Variants in PITPNM3 observed in about 807,000 individuals in gnomAD.
The protein encoded by PITPNM3 is membrane-associated phosphatidylinositol transfer protein 3.
A neutral mutation model predicts 102.0 loss-of-function variants in PITPNM3; 26 were observed. The observed-to-expected ratio is 0.25, with a 90% CI of 0.19 to 0.35. PITPNM3 has a LOEUF of 0.35. PITPNM3 is among the 10% of genes least tolerant of loss of function. The pLI is 1.00. For missense variants in PITPNM3, 1,083 were observed against 1,346.1 expected, an observed-to-expected ratio of 0.80 and a Z score of 3.06; for synonymous variants, 578 against 558.6, an observed-to-expected ratio of 1.03 and a Z score of -0.49.
chr17:6,460,749 C>T (rs565467626), intron 18 of PITPNM3: 3 of 156,258 alleles, frequency 1.9e-5, no homozygotes, highest in Admixed American at 1.9e-4. Context: ...GTCAACGCCT[C>T]TTCTGCTCTA....
At chr17:6,471,075 G>A in intron 12 of PITPNM3, 86 bp downstream of exon 12, 2 of 1,493,876 alleles carry the variant, frequency 1.3e-6, no homozygotes, top group Admixed American at 3.7e-5. Context: ...CCTGCCCTCA[G>A]CAGCTCTAGC....
At chr17:6,539,142 G>A (rs895624879) in intron 1 of PITPNM3, among the ~76,000 whole-genome samples, 4 of 152,190 alleles carry the variant, frequency 2.6e-5, no homozygotes, top group East Asian at 1.9e-4. Context: ...AAAGGACAGA[G>A]GGTACAGTGA....
In PITPNM3 at chr17:6,542,457, C is replaced by T. The variant is rs973655146; in HGVS notation, c.23-4375G>A. Among the ~76,000 whole-genome samples, 5 of 152,282 alleles carry T rather than the reference C, an allele frequency of 3.3e-5. No homozygotes were observed. The South Asian group carries it at 8.3e-4, about 25-fold the overall frequency. ...ACTCCCATAATTCTCTCCCTCTCTC[C>T]CTCACACACAAAGTAAATCAGCTCC... On this transcript the variant is annotated intron_variant, in intron 1 of 19. Coordinates refer to ENST00000262483, the MANE Select transcript of PITPNM3 (RefSeq NM_031220.4).
chr17:6,490,876 C>T (rs1436252368), intron 4 of PITPNM3, among the ~76,000 whole-genome samples: 1 of 147,528 alleles, frequency 6.8e-6, no homozygotes, highest in East Asian at 2.0e-4. Flanking sequence ...GCAGGAGAAT[C>T]ACTTAAACCT....
Position 6,521,504 on chromosome 17 carries a change from T to C in PITPNM3, c.226+3852A>G, listed in dbSNP as rs1488565992. The C allele has an allele frequency of 2.0e-5, 3 of 151,880 alleles. No homozygotes were observed. The East Asian group carries it at 5.8e-4, about 29-fold the overall frequency. 9.4% of individuals were successfully genotyped at this position (151,880 alleles called of 1,614,324 possible). A position where few individuals can be genotyped will look rare whatever the true frequency, so the allele number is the denominator to read the frequency against. ...TACACAAAAATAACAAGACAAACAATTGCAAAAATAATAATAGTATAATAA... is the reference window on the plus strand; with the variant it reads ...TACACAAAAATAACAAGACAAACAACTGCAAAAATAATAATAGTATAATAA... On this transcript the variant is annotated intron_variant, in intron 3 of 19. Coordinates refer to ENST00000262483, the MANE Select transcript of PITPNM3 (RefSeq NM_031220.4).
Position 6,463,839 on chromosome 17 carries a change from G to A in PITPNM3, c.2199C>T (p.Pro733=). 1 of 1,614,022 alleles carries A rather than the reference G, an allele frequency of 6.2e-7. No individual in the cohort carries two copies. Among genetic ancestry groups the A allele is most frequent in the Non-Finnish European group, 8.5e-7 (1 of 1,179,984 alleles). Reference sequence around the variant, plus strand: ...TGAACACTACACACTCCATGCCCCTGGGCAACACCGTGAGGTAGCTCATGG... The same window carrying A: ...TGAACACTACACACTCCATGCCCCTAGGCAACACCGTGAGGTAGCTCATGG... ...TCAMSYLTVL[P]RGMECVVFSI... Residue 733 remains proline (P), a synonymous_variant, in exon 17 of 20, where the codon CCC becomes CCT. Coordinates refer to ENST00000262483, the MANE Select transcript of PITPNM3 (RefSeq NM_031220.4).
chr17:6,454,286 C>G lies in PITPNM3; in HGVS notation c.*1052G>C, dbSNP rs372464395. 9 of 152,180 alleles carry G rather than the reference C, an allele frequency of 5.9e-5. No individual in the cohort carries two copies. The highest frequency in any genetic ancestry group is 2.0e-4 in the Admixed American group (3 of 15,282). The allele number at this position is 152,180 out of a possible 1,614,324, so 9.4% of individuals were successfully genotyped here. On this transcript the variant is annotated 3_prime_UTR_variant, in exon 20 of 20. Coordinates refer to ENST00000262483, the MANE Select transcript of PITPNM3 (RefSeq NM_031220.4). Reference sequence around the variant, plus strand: ...TGTCCCTGGGACACGCAGTGCAAGGCAAACCAGCTGCACCTCTCCGTGGAG... The same window carrying G: ...TGTCCCTGGGACACGCAGTGCAAGGGAAACCAGCTGCACCTCTCCGTGGAG...
chr17:6,502,197 C>T (rs1907224509), intron 4 of PITPNM3, among the ~76,000 whole-genome samples: 1 of 152,238 alleles, frequency 6.6e-6, no homozygotes, highest in African/African-American at 2.4e-5. Flanking sequence ...CGCCTAAAAT[C>T]CCAGAATTTT....
chr17:6,555,440 G>T (rs987963104), intron 1 of PITPNM3, among the ~76,000 whole-genome samples: 1 of 152,170 alleles, frequency 6.6e-6, no homozygotes, highest in African/African-American at 2.4e-5. Context: ...CACGGGTTGG[G>T]TGTGAGTTCA....
At position 6,508,295 on chromosome 17, in the gene PITPNM3, C is replaced by T. The variant is rs148863318; in HGVS notation, c.227-4721G>A. Among the ~76,000 whole-genome samples, 249 of 152,348 alleles carry T rather than the reference C, an allele frequency of 1.6e-3. 2 individuals carry two copies. Among genetic ancestry groups the T allele is most frequent in the African/African-American group, 3.6e-3 (148 of 41,580 alleles). The stretch of plus-strand genomic sequence containing the variant: ...AAGCCTTGAAGGCTGCACCTGGGCA[C>T]GCAGGTGCTTTCTGGCTTGCCTAGT... On this transcript the variant is annotated intron_variant, in intron 3 of 19. Coordinates refer to ENST00000262483, the MANE Select transcript of PITPNM3 (RefSeq NM_031220.4).
intron 6 of PITPNM3, chr17:6,481,941 G>A (rs1905725505): frequency 8.3e-6 from 1 of 120,888 alleles, no homozygotes. Flanking sequence ...GGCTCCCATA[G>A]CCGTTGTTAT....
chr17:6,500,742 C>T (rs1006340546), intron 4 of PITPNM3, among the ~76,000 whole-genome samples: 1 of 151,736 alleles, frequency 6.6e-6, no homozygotes, highest in Admixed American at 6.6e-5. Context: ...ATGGCATAAT[C>T]TTGGCTCACT....
At chr17:6,509,292 G>T (rs939662486) in intron 3 of PITPNM3, among the ~76,000 whole-genome samples, 3 of 152,202 alleles carry the variant, frequency 2.0e-5, no homozygotes, top group African/African-American at 7.2e-5. Context: ...AAGTGCAAGA[G>T]AAGCAAAGTG....
At chr17:6,540,453 G>A (rs970707784) in intron 1 of PITPNM3, among the ~76,000 whole-genome samples, 6 of 152,276 alleles carry the variant, frequency 3.9e-5, no homozygotes, top group Non-Finnish European at 5.9e-5. Flanking sequence ...CTGTACTTCC[G>A]TGGGGAGAAA....
In PITPNM3 at chr17:6,484,290, C is replaced by T. The variant is rs777324054; in HGVS notation, c.277G>A (p.Glu93Lys). Residue 93 changes from glutamate to lysine, a missense_variant and splice_region_variant, in exon 5 of 20, where the codon GAA becomes AAA. Transcript: ENST00000262483. Reference sequence around the variant, plus strand: ...CTTCTCAAGGAAACCCGGTACAGTTCTCCTGCAGAGGGAAAGAGGGGAGCT... The same window carrying T: ...CTTCTCAAGGAAACCCGGTACAGTTTTCCTGCAGAGGGAAAGAGGGGAGCT... ...TSSILQEKQR[E>K]LYRVSLRRQR... is the part of the protein sequence containing the mutation. 3 of 1,604,272 alleles carry T rather than the reference C, an allele frequency of 1.9e-6. No individual in the cohort carries two copies. Among genetic ancestry groups the T allele is most frequent in the African/African-American group, 1.3e-5 (1 of 74,784 alleles).
At chr17:6,491,550 C>T (rs1438173260) in intron 4 of PITPNM3, among the ~76,000 whole-genome samples, 2 of 152,082 alleles carry the variant, frequency 1.3e-5, no homozygotes, top group Admixed American at 6.5e-5. Context: ...GGCCCAGAGC[C>T]CACCTTCCTC....
Position 6,487,185 on chromosome 17 carries a change from AC to A in PITPNM3, c.275-2894del, listed in dbSNP as rs36083174. Among the ~76,000 whole-genome samples, 433 of 152,178 alleles carry A rather than the reference AC, an allele frequency of 2.8e-3. 4 individuals are homozygous for A. Among genetic ancestry groups the A allele is most frequent in the African/African-American group, 1.0e-2 (415 of 41,504 alleles). On this transcript the variant is annotated intron_variant, in intron 4 of 19. Coordinates refer to ENST00000262483, the MANE Select transcript of PITPNM3 (RefSeq NM_031220.4). The stretch of plus-strand genomic sequence containing the variant: ...GGGAGGAGCGTGGTTAAAGCCACGG[AC>A]CCTGGATCCAGAACGCCTGAGTTCA...
At chr17:6,463,665 A>G in intron 17 of PITPNM3, 67 bp downstream of exon 17, 1 of 1,565,058 alleles carries the variant, frequency 6.4e-7, no homozygotes. Flanking sequence ...AAAACAACAT[A>G]TTTCCCCCAG....
intron 1 of PITPNM3, among the ~76,000 whole-genome samples, chr17:6,539,026 C>G (rs1324924351): frequency 6.6e-6 from 1 of 152,190 alleles, no homozygotes; most frequent in Non-Finnish European, 1.5e-5. Flanking sequence ...AGGGACACAG[C>G]CCTCCTGCCT....
Sources: allele counts gnomAD v4.1 joint callset (sites outside exome capture counted in the v4.1 genomes callset), GRCh38; gene constraint gnomAD v4.1.1; transcripts MANE v1.5; gene names NCBI Gene and HGNC (gene_info 2026-07-23, HGNC 2026-07-21).